The following NEDD4 variants were observed in gnomAD, a reference collection of about 807,000 sequenced individuals.
The protein encoded by NEDD4 is NEDD4 E3 ubiquitin protein ligase.
In NEDD4, 99 loss-of-function variants were observed where a neutral mutation model predicts 144.9. The observed-to-expected ratio is 0.68, with a 90% confidence interval of 0.58 to 0.81. NEDD4 has a LOEUF of 0.81. NEDD4 is among the 30% of genes least tolerant of loss of function. NEDD4 has a pLI of 0.00. For missense variants in NEDD4, 985 were observed against 1,065.9 expected, an observed-to-expected ratio of 0.92 and a Z score of 1.06; for synonymous variants, 318 against 350.6, an observed-to-expected ratio of 0.91 and a Z score of 1.04.
In NEDD4 at chr15:55,934,860, C is replaced by CTTTT. The variant is rs564385465; in HGVS notation, c.238-10165_238-10162dup. The CTTTT allele has an allele frequency of 7.8e-4, 63 of 80,852 alleles. 9 individuals are homozygous for CTTTT. Among genetic ancestry groups the CTTTT allele is most frequent in the South Asian group, 5.2e-3 (9 of 1,742 alleles). The allele number at this position is 80,852 out of a possible 1,614,324, so 5.0% of individuals were successfully genotyped here. On this transcript the variant is annotated intron_variant, in intron 4 of 28. Coordinates refer to ENST00000435532, the MANE Select transcript of NEDD4 (RefSeq NM_006154.4). ...ATATATTCCTATATACAATGTTCTG[C>CTTTT]TTTTTTTTTTTTTTTTTTTTTTTTT...
intron 4 of NEDD4, among the ~76,000 whole-genome samples, chr15:55,943,359 T>C (rs539793769): frequency 2.2e-4 from 33 of 152,242 alleles, no homozygotes; most frequent in African/African-American, 7.9e-4. Context: ...GCTCCTCCTA[T>C]CACAGCCCCA....
chr15:55,988,035 T>G (rs1192711348), intron 1 of NEDD4: 2 of 151,612 alleles, frequency 1.3e-5, no homozygotes, highest in Non-Finnish European at 2.9e-5. Flanking sequence ...GTATGTTTAT[T>G]GCGGCACTAT....
intron 2 of NEDD4, 43 bp downstream of exon 2, chr15:55,966,430 A>T (rs2037513909): frequency 8.1e-7 from 1 of 1,238,184 alleles, no homozygotes; most frequent in African/African-American, 1.6e-5. Flanking sequence ...ACTAATTAAC[A>T]AATGCAAAGT....
At chr15:55,952,660 C>T (rs780744114) in intron 2 of NEDD4, 1 of 152,258 alleles carries the variant, frequency 6.6e-6, no homozygotes, top group African/African-American at 2.4e-5. Flanking sequence ...TTACCCCTAA[C>T]CTAGTGAGTC....
chr15:55,834,154 G>T lies in NEDD4; in HGVS notation c.2323-9C>A. 6.2e-7 allele frequency: 1 copy of T among 1,611,532 alleles called. No homozygotes were observed. Among genetic ancestry groups the T allele is most frequent in the Non-Finnish European group, 8.5e-7 (1 of 1,178,404 alleles). On this transcript the variant is annotated splice_polypyrimidine_tract_variant and intron_variant, in intron 25 of 28. Coordinates refer to ENST00000435532, the MANE Select transcript of NEDD4 (RefSeq NM_006154.4). ...AGTCCACACATAAGAAGCTACATAAGAAATGTCAAATTATAAACAAGGAAA... is the reference window on the plus strand; with the variant it reads ...AGTCCACACATAAGAAGCTACATAATAAATGTCAAATTATAAACAAGGAAA...
In NEDD4 at chr15:55,907,597, C is replaced by T. The variant is rs536840838; in HGVS notation, c.291+17049G>A. Among the ~76,000 whole-genome samples, 18 of 152,254 alleles carry T rather than the reference C, an allele frequency of 1.2e-4. 2 individuals are homozygous for T. In the South Asian group the frequency reaches 3.1e-3, roughly 26 times the overall value. ...TTGTTAAACTCATTTGCTTTGAAGA[C>T]GACTTGAGTTTCCAGTAAGCTCTGT... On this transcript the variant is annotated intron_variant, in intron 5 of 28. Coordinates refer to ENST00000435532, the MANE Select transcript of NEDD4 (RefSeq NM_006154.4).
rs367919667 is a variant in NEDD4, at chr15:55,951,569, G to A, written c.140C>T (p.Thr47Met). ...AACTCCATTCATTGGGTCATATAACGTCACTCTCACGTAAGGATCACTGTT... is the reference window on the plus strand; with the variant it reads ...AACTCCATTCATTGGGTCATATAACATCACTCTCACGTAAGGATCACTGTT... ...LGASDPYVRV[T>M]LYDPMNGVLT... Residue 47 changes from threonine (T) to methionine (M), a missense_variant, in exon 3 of 29, where the codon ACG becomes ATG. By Grantham distance (81) the Thr-to-Met change is moderately conservative. Transcript: ENST00000435532. The A allele has an allele frequency of 1.5e-5, 23 of 1,505,092 alleles. No homozygotes were observed. The highest frequency in any genetic ancestry group is 2.1e-4 in the Middle Eastern group (1 of 4,718). 93.2% of individuals were successfully genotyped at this position (1,505,092 alleles called of 1,614,324 possible). A position where few individuals can be genotyped will look rare whatever the true frequency, so the allele number is the denominator to read the frequency against.
chr15:55,946,654 G>T (rs1421972005), intron 4 of NEDD4, among the ~76,000 whole-genome samples: 1 of 152,160 alleles, frequency 6.6e-6, no homozygotes, highest in African/African-American at 2.4e-5. Context: ...GCACCAAGTG[G>T]ACCAAACAGA....
At position 55,871,651 on chromosome 15, in the gene NEDD4, T is replaced by A. The variant is rs185538289; in HGVS notation, c.404+764A>T. On this transcript the variant is annotated intron_variant, in intron 7 of 28. Transcript: ENST00000435532. ...CAGTGAGCACTCCTTTTCATTTTTT[T>A]AATATTTACATTACAAACAGTAATT... is the stretch of plus-strand genomic sequence containing the variant. Among the ~76,000 whole-genome samples the A allele has an allele frequency of 4.2e-3, 638 of 152,294 alleles. 5 individuals are homozygous for A. The highest frequency in any genetic ancestry group is 0.015 in the African/African-American group (612 of 41,574).
intron 26 of NEDD4, 151 bp downstream of exon 26, chr15:55,833,887 A>G: frequency 1.6e-6 from 1 of 625,366 alleles, no homozygotes; most frequent in South Asian, 2.0e-5. Flanking sequence ...AGGTGCATGT[A>G]TACAGTATAA....
chr15:55,991,268 T>C (rs2037984791), intron 1 of NEDD4, among the ~76,000 whole-genome samples: 1 of 152,230 alleles, frequency 6.6e-6, no homozygotes, highest in South Asian at 2.1e-4. Flanking sequence ...CTGCAATGCT[T>C]TCTTCCTTTA....
chr15:55,967,646 T>G (rs1308230861), intron 1 of NEDD4, among the ~76,000 whole-genome samples: 1 of 152,066 alleles, frequency 6.6e-6, no homozygotes, highest in African/African-American at 2.4e-5. Context: ...ACATGTATAT[T>G]TTTTAAAAAA....
At position 55,860,797 on chromosome 15, in the gene NEDD4, A is replaced by G. The variant is rs1187020062; in HGVS notation, c.675-19T>C. 2 of 1,604,346 alleles carry G rather than the reference A, an allele frequency of 1.2e-6. No homozygotes were observed. Among genetic ancestry groups the G allele is most frequent in the African/African-American group, 1.3e-5 (1 of 74,684 alleles). On this transcript the variant is annotated intron_variant, in intron 9 of 28. Coordinates refer to ENST00000435532, the MANE Select transcript of NEDD4 (RefSeq NM_006154.4). ...GTTGTCCCTATATTGGAAGTATAAA[A>G]AGCCATCATCCATGTCTTAAGTAGT...
At chr15:55,911,081 G>GT (rs34319475) in intron 5 of NEDD4, among the ~76,000 whole-genome samples, 62,482 of 151,804 alleles carry the variant, frequency 0.41, 12,951 homozygotes, top group East Asian at 0.48. Context: ...TATTTACAGT[G>GT]GAGATTCTTT....
intron 2 of NEDD4, among the ~76,000 whole-genome samples, chr15:55,960,422 C>A (rs2037406222): frequency 1.3e-5 from 2 of 152,168 alleles, no homozygotes; most frequent in Admixed American, 1.3e-4. Context: ...GTGCTGGATG[C>A]TTCCTGCCCT....
intron 5 of NEDD4, among the ~76,000 whole-genome samples, chr15:55,897,965 G>A (rs1039648605): frequency 6.6e-6 from 1 of 152,160 alleles, no homozygotes; most frequent in African/African-American, 2.4e-5. Context: ...TGACAGATTA[G>A]AATATTTTAC....
chr15:55,935,011 G>A (rs1447284862), intron 4 of NEDD4, among the ~76,000 whole-genome samples: 7 of 151,550 alleles, frequency 4.6e-5, no homozygotes, highest in Non-Finnish European at 8.8e-5. Context: ...TGTAATTAGA[G>A]GCACCCACCA....
intron 5 of NEDD4, among the ~76,000 whole-genome samples, chr15:55,906,073 C>T (rs1190351493): frequency 3.3e-5 from 5 of 152,068 alleles, no homozygotes; most frequent in Non-Finnish European, 5.9e-5. Context: ...AAATCAAAAC[C>T]ACAATGAGAT....
chr15:55,902,971 AGC>A (rs2035959123), intron 5 of NEDD4, among the ~76,000 whole-genome samples: 1 of 152,150 alleles, frequency 6.6e-6, no homozygotes, highest in Non-Finnish European at 1.5e-5. Context: ...ATTGCATTCC[AGC>A]CTGGGTGACA....
Sources: gnomAD v4.1 joint callset for allele counts (sites outside exome capture counted in the v4.1 genomes callset) on GRCh38, gnomAD v4.1.1 for gene constraint, MANE v1.5 for transcripts, NCBI Gene and HGNC (gene_info 2026-07-23, HGNC 2026-07-21) for gene names.